POLR3E: variants seen among roughly 807,000 people sequenced by gnomAD.
The protein encoded by POLR3E is DNA-directed RNA polymerase III subunit RPC5.
Under a neutral mutation model 96.6 loss-of-function variants are expected in POLR3E, and 41 were observed. The ratio of observed to expected loss-of-function variants is 0.42; its 90% CI spans 0.33 to 0.55. The LOEUF is 0.55. Ranked by LOEUF, POLR3E falls within the 20% of genes least tolerant of loss-of-function variation. The pLI is 0.06. For synonymous variants in POLR3E, 396 were observed against 383.6 expected (o/e 1.03, Z -0.38); for missense variants, 849 against 952.1 (o/e 0.89, Z 1.43).
intron 3 of POLR3E, among the ~76,000 whole-genome samples, chr16:22,307,692 C>T (rs984647668): frequency 3.9e-5 from 6 of 152,236 alleles, no homozygotes; most frequent in South Asian, 2.1e-4. Context: ...ACCTGCCCGT[C>T]GTCTGGCCTC....
intron 6 of POLR3E, among the ~76,000 whole-genome samples, chr16:22,311,232 G>A (rs2048238687): frequency 6.7e-6 from 1 of 148,370 alleles, no homozygotes; most frequent in Non-Finnish European, 1.5e-5. Flanking sequence ...GCCTCCCAGA[G>A]TGCTGGGATT....
intron 13 of POLR3E, among the ~76,000 whole-genome samples, chr16:22,319,235 T>A (rs1199480337): frequency 6.6e-6 from 1 of 151,688 alleles, no homozygotes; most frequent in Non-Finnish European, 1.5e-5. Context: ...GACCTCCCAA[T>A]GTGTTAGGAT....
intron 8 of POLR3E, among the ~76,000 whole-genome samples, chr16:22,314,689 A>G (rs1003571530): frequency 1.3e-5 from 2 of 152,298 alleles, no homozygotes; most frequent in African/African-American, 2.4e-5. Context: ...GGACCGGGGA[A>G]CACGGGCGTA....
chr16:22,324,714 C>T, intron 16 of POLR3E, 54 bp downstream of exon 16: 4 of 1,572,406 alleles, frequency 2.5e-6, no homozygotes, highest in Non-Finnish European at 3.5e-6. Flanking sequence ...AACCCTGCAT[C>T]CTGGGGAGCA....
intron 1 of POLR3E, 136 bp from the exon 2 acceptor site, chr16:22,302,795 T>C: frequency 1.4e-6 from 1 of 714,252 alleles, no homozygotes; most frequent in South Asian, 1.6e-5. Flanking sequence ...CATTGTTGAC[T>C]TCAATGTAGA....
intron 9 of POLR3E, among the ~76,000 whole-genome samples, chr16:22,316,253 C>T (rs2048354211): frequency 6.6e-6 from 1 of 152,158 alleles, no homozygotes; most frequent in Admixed American, 6.5e-5. Flanking sequence ...TAGTACCTAC[C>T]TTGCCAAGTT....
At chr16:22,316,728 A>G (rs2048363310) in intron 10 of POLR3E, 42 bp downstream of exon 10, 1 of 1,486,366 alleles carries the variant, frequency 6.7e-7, no homozygotes, top group Non-Finnish European at 9.4e-7. Context: ...ATGCCTGCCC[A>G]GGGTCCCCAG....
rs542823955 is a variant in POLR3E at position 22,322,514 on chromosome 16, A to T, written c.987-336A>T. On this transcript the variant is annotated intron_variant, in intron 13 of 20. Coordinates refer to ENST00000299853, the MANE Select transcript of POLR3E (RefSeq NM_018119.4). The surrounding 1 kb of genome is among the most constrained non-coding windows in gnomAD (Gnocchi z 5.2). The stretch of plus-strand genomic sequence containing the variant: ...CGTGCAGGGACCAGTTGTCTTCCAG[A>T]GTCCTGGGCTCCTTGAGGTCCCGGG... Among the ~76,000 whole-genome samples the T allele has an allele frequency of 6.6e-6, 1 of 152,060 alleles. No individual in the cohort carries two copies. The highest frequency in any genetic ancestry group is 6.5e-5 in the Admixed American group (1 of 15,282).
At chr16:22,330,727 C>T (rs2048719236) in intron 19 of POLR3E, among the ~76,000 whole-genome samples, 2 of 152,016 alleles carry the variant, frequency 1.3e-5, no homozygotes, top group Non-Finnish European at 1.5e-5. Flanking sequence ...AAATGGATTA[C>T]AATACAGTAT....
chr16:22,328,933 C>T (rs1267436462), intron 19 of POLR3E: 4 of 302,380 alleles, frequency 1.3e-5, no homozygotes, highest in Non-Finnish European at 2.6e-5. Flanking sequence ...TGACACCAGC[C>T]TGACCAATAT....
Position 22,325,185 on chromosome 16 carries a change from G to A in POLR3E, c.1287-20G>A, listed in dbSNP as rs771886984. 6 of 1,596,122 alleles carry A rather than the reference G, an allele frequency of 3.8e-6. No homozygotes were observed. Among genetic ancestry groups the A allele is most frequent in the Non-Finnish European group, 5.2e-6 (6 of 1,163,758 alleles). On this transcript the variant is annotated intron_variant, in intron 16 of 20. Transcript: ENST00000299853. ...GTAGGGGACGTGGTTTAAAGTTAATGGGGTTACTCTTCTTTTCAGACTGGA... is the reference window on the plus strand; with the variant it reads ...GTAGGGGACGTGGTTTAAAGTTAATAGGGTTACTCTTCTTTTCAGACTGGA...
At position 22,326,279 on chromosome 16, in the gene POLR3E, G is replaced by C; in HGVS notation, c.1866+1G>C. ...CGGTTGCAAGCAGATACTGGTGCCT[G>C]TAAGTAGAGCCCTGCCTGCCAGGGG... is the stretch of plus-strand genomic sequence containing the variant. On this transcript the variant is annotated splice_donor_variant, in intron 18 of 20. Coordinates refer to ENST00000299853, the MANE Select transcript of POLR3E (RefSeq NM_018119.4). LOFTEE classifies it high-confidence loss of function. The C allele has an allele frequency of 8.7e-7, 1 of 1,146,558 alleles. No individual in the cohort carries two copies. Among genetic ancestry groups the C allele is most frequent in the Non-Finnish European group, 1.2e-6 (1 of 835,492 alleles). The allele number at this position is 1,146,558 out of a possible 1,614,324, so 71.0% of individuals were successfully genotyped here.
At chr16:22,309,160 T>C in intron 5 of POLR3E, 120 bp downstream of exon 5, 1 of 714,084 alleles carries the variant, frequency 1.4e-6, no homozygotes, top group Non-Finnish European at 2.4e-6. Flanking sequence ...TGTCCCAGCC[T>C]TTGGAGGGCT....
Position 22,324,347 on chromosome 16 carries a change from C to T in POLR3E, c.1069-7C>T, listed in dbSNP as rs748396376. On this transcript the variant is annotated splice_region_variant and splice_polypyrimidine_tract_variant and intron_variant, in intron 14 of 20. Coordinates refer to ENST00000299853, the MANE Select transcript of POLR3E (RefSeq NM_018119.4). ...GCCCCTGGAATGTGCTGCTTCTTCT[C>T]CCTCAGATGTGGAAGTTCACGCAGA... The T allele has an allele frequency of 1.9e-6, 3 of 1,612,098 alleles. No individual in the cohort carries two copies. The highest frequency in any genetic ancestry group is 2.5e-6 in the Non-Finnish European group (3 of 1,179,278).
chr16:22,325,789 G>A lies in POLR3E; in HGVS notation c.1377G>A (p.Gln459=). Residue 459 remains glutamine, a synonymous_variant, in exon 18 of 21, where the codon CAG becomes CAA. Transcript: ENST00000299853. ...CTGCCGGGCTGGTCTGTGGGGACCAGCGGATCCAAGTAGCCAAAACCAAGG... is the reference window on the plus strand; with the variant it reads ...CTGCCGGGCTGGTCTGTGGGGACCAACGGATCCAAGTAGCCAAAACCAAGG... ...SGPAGLVCGD[Q]RIQVAKTKAQ... The A allele has an allele frequency of 6.3e-7, 1 of 1,590,798 alleles. No homozygotes were observed. The highest frequency in any genetic ancestry group is 8.6e-7 in the Non-Finnish European group (1 of 1,168,904).
At chr16:22,314,164 T>A (rs924096337) in intron 8 of POLR3E, 36 bp downstream of exon 8, 103 of 1,574,464 alleles carry the variant, frequency 6.5e-5, no homozygotes, top group Non-Finnish European at 8.8e-5. Flanking sequence ...GGGTGCTGCC[T>A]GGGCGGCAGC....
chr16:22,314,895 G>A (rs918579832), intron 8 of POLR3E, 194 bp from the exon 9 acceptor site: 1 of 532,626 alleles, frequency 1.9e-6, no homozygotes, highest in Non-Finnish European at 3.3e-6. Context: ...GCAAGTATAA[G>A]CCGTTCCCTG....
intron 19 of POLR3E, chr16:22,328,808 A>ATTCTGATG: frequency 1.9e-6 from 1 of 525,800 alleles, no homozygotes; most frequent in Non-Finnish European, 3.5e-6. Flanking sequence ...CCAGTCTGTG[A>ATTCTGATG]GCCAGCTCCA....
intron 13 of POLR3E, among the ~76,000 whole-genome samples, chr16:22,321,810 G>C (rs1002051851): frequency 5.3e-5 from 8 of 152,216 alleles, no homozygotes; most frequent in African/African-American, 1.9e-4. Flanking sequence ...ACCTGCCCCG[G>C]CACTTCTGTA....
Sources: allele counts gnomAD v4.1 joint callset (sites outside exome capture counted in the v4.1 genomes callset), GRCh38; gene constraint gnomAD v4.1.1; non-coding constraint Gnocchi (gnomAD v3.1); transcripts MANE v1.5; gene names NCBI Gene and HGNC (gene_info 2026-07-23, HGNC 2026-07-21).